SDK1: variants seen among roughly 807,000 people sequenced by gnomAD.
The protein encoded by SDK1 is sidekick cell adhesion molecule 1, also known as protein sidekick-1.
In SDK1, 157 loss-of-function variants were observed where a neutral mutation model predicts 245.5. That is an observed-to-expected ratio of 0.64 (90% CI 0.56 to 0.73). The LOEUF (loss-of-function observed/expected upper bound fraction) is 0.73. SDK1 is among the 30% of genes least tolerant of loss of function. The pLI, the probability that SDK1 is intolerant of heterozygous loss-of-function variation, is 0.00. For synonymous variants in SDK1, 1,647 were observed against 1,278.5 expected, an observed-to-expected ratio of 1.29 and a Z score of -6.15; for missense variants, 3,583 against 3,002.3, an observed-to-expected ratio of 1.19 and a Z score of -4.52.
chr7:3,643,669 A>C (rs1036036337), intron 4 of SDK1: 1 of 135,264 alleles, frequency 7.4e-6, no homozygotes, highest in African/African-American at 2.9e-5. Context: ...CCACCTGAGC[A>C]TCTGTGGAAT....
chr7:3,328,335 T>C (rs183169630), intron 1 of SDK1, among the ~76,000 whole-genome samples: 1 of 152,142 alleles, frequency 6.6e-6, no homozygotes, highest in African/African-American at 2.4e-5. Flanking sequence ...TCTACACTTA[T>C]GAGCTCTTAC....
chr7:3,973,213 G>A (rs565138021), intron 12 of SDK1, among the ~76,000 whole-genome samples: 4 of 152,266 alleles, frequency 2.6e-5, no homozygotes, highest in African/African-American at 9.6e-5. Context: ...GCCCCGGCGT[G>A]AGCAGTCTAT....
At chr7:3,552,876 A>C (rs887418879) in intron 1 of SDK1, among the ~76,000 whole-genome samples, 1 of 152,236 alleles carries the variant, frequency 6.6e-6, no homozygotes, top group African/African-American at 2.4e-5. Context: ...TTACTGTTGC[A>C]TAATTATGCT....
intron 43 of SDK1, among the ~76,000 whole-genome samples, chr7:4,242,834 G>C (rs142323453): frequency 6.6e-6 from 1 of 152,174 alleles, no homozygotes. Flanking sequence ...TCCCTGGGCC[G>C]CCCCCGCCCT....
chr7:4,119,298 A>G (rs879292140), intron 25 of SDK1, among the ~76,000 whole-genome samples: 1 of 147,796 alleles, frequency 6.8e-6, no homozygotes, highest in Non-Finnish European at 1.5e-5. Flanking sequence ...AATAAAAACT[A>G]TAGAAAATTA....
chr7:3,564,853 A>G (rs1779859077), intron 1 of SDK1, among the ~76,000 whole-genome samples: 2 of 152,120 alleles, frequency 1.3e-5, no homozygotes, highest in African/African-American at 4.8e-5. Flanking sequence ...TCTGAAGTTA[A>G]TGAAACCTCG....
At position 3,386,728 on chromosome 7, in the gene SDK1, G is replaced by A. The variant is rs190836717; in HGVS notation, c.298+84844G>A. On this transcript the variant is annotated intron_variant, in intron 1 of 44. Transcript: ENST00000404826. ...GTAGGGAGTGCAGCTGTACTGGGCAGCCTCCAGTGAGTCCCGGGGACTTGA... is the reference window on the plus strand; with the variant it reads ...GTAGGGAGTGCAGCTGTACTGGGCAACCTCCAGTGAGTCCCGGGGACTTGA... 5.9e-5 allele frequency among the ~76,000 whole-genome samples: 9 copies of A among 152,290 alleles called. No homozygotes were observed. The East Asian group carries it at 1.7e-3, about 29-fold the overall frequency.
chr7:3,779,774 T>C (rs1258794168), intron 4 of SDK1, among the ~76,000 whole-genome samples: 2 of 151,180 alleles, frequency 1.3e-5, no homozygotes, highest in Admixed American at 1.3e-4. Context: ...CTACTGGAAA[T>C]ACAAAAAATT....
At chr7:3,787,536 G>C (rs1780942566) in intron 4 of SDK1, among the ~76,000 whole-genome samples, 1 of 151,156 alleles carries the variant, frequency 6.6e-6, no homozygotes, top group Non-Finnish European at 1.5e-5. Flanking sequence ...AATGGCATTG[G>C]TTAAAAAAAA....
At chr7:3,492,834 G>T (rs1440386739) in intron 1 of SDK1, among the ~76,000 whole-genome samples, 5 of 152,244 alleles carry the variant, frequency 3.3e-5, no homozygotes, top group Non-Finnish European at 7.3e-5. Context: ...TAAGTTGGCT[G>T]TTAGTTGACT....
chr7:4,059,708 A>G (rs1779414800), intron 19 of SDK1, among the ~76,000 whole-genome samples: 1 of 152,160 alleles, frequency 6.6e-6, no homozygotes, highest in Non-Finnish European at 1.5e-5. Context: ...GCAAATCTCA[A>G]CAACTTTTAA....
chr7:3,483,743 A>G (rs1392258553), intron 1 of SDK1, among the ~76,000 whole-genome samples: 1 of 152,148 alleles, frequency 6.6e-6, no homozygotes, highest in Non-Finnish European at 1.5e-5. Context: ...GTTCAGTACT[A>G]TTAGATGATA....
intron 25 of SDK1, among the ~76,000 whole-genome samples, chr7:4,116,847 T>C (rs190975711): frequency 4.2e-4 from 64 of 152,294 alleles, no homozygotes; most frequent in African/African-American, 1.4e-3. Flanking sequence ...AGTGTGCTTC[T>C]GAGAGGACCA....
In SDK1 at chr7:4,158,454, G is replaced by A; in HGVS notation, c.4632G>A (p.Arg1544=). ...EATACVVDRL[R]PFTSYKLRLK... ...GGTCTCTTCCACATTGCAGACTGAG[G>A]CCCTTCACCTCCTACAAGCTGCGCC... is the stretch of plus-strand genomic sequence containing the variant. The change falls in exon 31 of 45, where the codon AGG becomes AGA. Residue 1544 remains arginine (R), a synonymous_variant. Coordinates refer to ENST00000404826, the MANE Select transcript of SDK1 (RefSeq NM_152744.4). 1 of 1,612,934 alleles carries A rather than the reference G, an allele frequency of 6.2e-7. No individual in the cohort carries two copies. Among genetic ancestry groups the A allele is most frequent in the Non-Finnish European group, 8.5e-7 (1 of 1,179,568 alleles).
intron 4 of SDK1, among the ~76,000 whole-genome samples, chr7:3,786,577 T>C (rs1473743433): frequency 6.6e-6 from 1 of 152,234 alleles, no homozygotes; most frequent in Admixed American, 6.5e-5. Flanking sequence ...CAGCACTGGA[T>C]GTCTTCTGAT....
intron 1 of SDK1, among the ~76,000 whole-genome samples, chr7:3,384,658 C>T (rs1334690038): frequency 6.6e-6 from 1 of 152,212 alleles, no homozygotes; most frequent in African/African-American, 2.4e-5. Flanking sequence ...GTTAGATTAG[C>T]TGTAGCTTCC....
chr7:3,575,140 G>C (rs1039203244), intron 1 of SDK1, among the ~76,000 whole-genome samples: 1 of 152,062 alleles, frequency 6.6e-6, no homozygotes, highest in African/African-American at 2.4e-5. Flanking sequence ...GGTGGTTTAA[G>C]GCTGGGAAAT....
intron 5 of SDK1, among the ~76,000 whole-genome samples, chr7:3,833,265 G>C (rs1779953149): frequency 6.6e-6 from 1 of 152,286 alleles, no homozygotes; most frequent in South Asian, 2.1e-4. Flanking sequence ...CATCCGGCTG[G>C]CCCCGTGCGG....
chr7:4,168,825 G>A (rs941928569), intron 32 of SDK1, among the ~76,000 whole-genome samples: 19 of 152,238 alleles, frequency 1.2e-4, no homozygotes, highest in East Asian at 7.7e-4. Flanking sequence ...CTGTCTGCTC[G>A]CCTCTTCGTC....
Sources: gnomAD v4.1 joint callset for allele counts (sites outside exome capture counted in the v4.1 genomes callset) on GRCh38, gnomAD v4.1.1 for gene constraint, MANE v1.5 for transcripts, NCBI Gene and HGNC (gene_info 2026-07-23, HGNC 2026-07-21) for gene names.